Variants in CNFN observed in about 807,000 individuals in gnomAD.
CNFN encodes the protein cornifelin, also known as cornefied envelope protein cornefilin.
In CNFN, 10 loss-of-function variants were observed where a neutral mutation model predicts 14.9. The ratio of observed to expected loss-of-function variants is 0.67; its 90% CI spans 0.41 to 1.14. The LOEUF is 1.14. Among genes scored for constraint, CNFN ranks in the 50% most tolerant of loss-of-function variants. The probability of loss-of-function intolerance (pLI) is 0.00; values close to 1 mark genes in which losing one functional copy is unlikely to be tolerated. For synonymous variants in CNFN, 66 were observed against 60.0 expected (o/e 1.10, Z -0.46); for missense variants, 165 against 152.8 (o/e 1.08, Z -0.42).
chr19:42,387,607 A>G (rs2039863400), intron 2 of CNFN, 131 bp from the exon 3 acceptor site: 3 of 595,980 alleles, frequency 5.0e-6, no homozygotes, highest in African/African-American at 4.0e-5. Context: ...CCCAGAGGGA[A>G]TTAGAGGTCC....
chr19:42,389,803 C>G (rs975292984), intron 1 of CNFN, among the ~76,000 whole-genome samples: 1 of 152,194 alleles, frequency 6.6e-6, no homozygotes. Context: ...TCCCCATACC[C>G]GAGATAGAGC....
intron 2 of CNFN, 88 bp downstream of exon 2, chr19:42,388,838 G>A: frequency 4.5e-6 from 4 of 891,218 alleles, no homozygotes; most frequent in Middle Eastern, 2.2e-4. Flanking sequence ...GCAAGCGGTG[G>A]GAGGAGGTTG....
chr19:42,389,387 G>A (rs2039881004), intron 1 of CNFN: 1 of 1,030,374 alleles, frequency 9.7e-7, no homozygotes, highest in South Asian at 1.3e-5. Flanking sequence ...GGCCTCTGGG[G>A]TGGAAGCAGG....
At chr19:42,388,605 T>C (rs1276560329) in intron 2 of CNFN, among the ~76,000 whole-genome samples, 1 of 152,160 alleles carries the variant, frequency 6.6e-6, no homozygotes, top group African/African-American at 2.4e-5. Context: ...AGTGTTGGGA[T>C]TACAGGCATG....
At position 42,388,005 on chromosome 19, in the gene CNFN, A is replaced by AAAAAAAAAAC. The variant is rs2039868815; in HGVS notation, c.113-530_113-529insGTTTTTTTTT. Reference sequence around the variant, plus strand: ...AAAAAAAACAAAAAACAAAACAAAAAAAAAAACGAAAGAAAGAAAAAAAAA... The same window carrying AAAAAAAAAAC: ...AAAAAAAACAAAAAACAAAACAAAAAAAAAAAAAACAAAAAACGAAAGAAAGAAAAAAAAA... On this transcript the variant is annotated intron_variant, in intron 2 of 3. Coordinates refer to ENST00000222032, the MANE Select transcript of CNFN (RefSeq NM_032488.4). Among the ~76,000 whole-genome samples, 39 of 143,712 alleles carry AAAAAAAAAAC rather than the reference A, an allele frequency of 2.7e-4. 1 individual carries two copies. The highest frequency in any genetic ancestry group is 1.0e-3 in the African/African-American group (38 of 36,256). 94.3% of individuals were successfully genotyped at this position (143,712 alleles called of 152,430 possible). A position where few individuals can be genotyped will look rare whatever the true frequency, so the allele number is the denominator to read the frequency against.
intron 2 of CNFN, among the ~76,000 whole-genome samples, chr19:42,387,896 C>T (rs1288730256): frequency 2.7e-5 from 4 of 147,566 alleles, no homozygotes; most frequent in South Asian, 2.1e-4. Context: ...AGGAGAATCG[C>T]TTGAACCCGG....
Position 42,388,986 on chromosome 19 carries a change from G to C in CNFN, c.52C>G (p.Gln18Glu). 1 of 1,613,950 alleles carries C rather than the reference G, an allele frequency of 6.2e-7. No individual in the cohort carries two copies. The highest frequency in any genetic ancestry group is 8.5e-7 in the Non-Finnish European group (1 of 1,180,000). The change falls in exon 2 of 4, where the codon CAG becomes GAG. Residue 18 changes from glutamine (Q) to glutamate (E), a missense_variant. By Grantham distance (29) the Gln-to-Glu change is conservative (BLOSUM62 2). Coordinates refer to ENST00000222032, the MANE Select transcript of CNFN (RefSeq NM_032488.4). ...GTGTGCCAGTCACTGAGCTGGGTCT[G>C]GTAGCAGCTGGTGGTGGCGCACTGG... ...QPQCATTSCY[Q>E]TQLSDWHTGL...
intron 1 of CNFN, 103 bp from the exon 2 acceptor site, chr19:42,389,142 G>A (rs2039879161): frequency 4.8e-6 from 4 of 826,036 alleles, no homozygotes; most frequent in African/African-American, 1.7e-5. Context: ...GGGCGGGGCC[G>A]CCAGGCCGCC....
At position 42,387,393 on chromosome 19, in the gene CNFN, G is replaced by A. The variant is rs2039859617; in HGVS notation, c.196C>T (p.Pro66Ser). ...FGECCCAPYL[P>S]GGLHSIRTGM... ...GTGCGGATGGAGTGCAGGCCTCCGG[G>A]CAGGTAGGGCGCGCAGCAGCACTCG... The change falls in exon 3 of 4, where the codon CCC becomes TCC. Residue 66 changes from proline (P) to serine (S), a missense_variant. By Grantham distance (74) the Pro-to-Ser change is moderately conservative. Coordinates refer to ENST00000222032, the MANE Select transcript of CNFN (RefSeq NM_032488.4). 6.2e-7 allele frequency: 1 copy of A among 1,601,518 alleles called. No individual in the cohort carries two copies.
chr19:42,387,265 C>T (rs765518338), intron 3 of CNFN, 23 bp from the exon 4 acceptor site: 1 of 1,610,928 alleles, frequency 6.2e-7, no homozygotes, highest in Non-Finnish European at 8.5e-7. Context: ...AGAGAGCGGT[C>T]AGGAGCCCCG....
At chr19:42,389,792 C>T (rs966250752) in intron 1 of CNFN, among the ~76,000 whole-genome samples, 19 of 152,204 alleles carry the variant, frequency 1.2e-4, no homozygotes, top group African/African-American at 4.3e-4. Flanking sequence ...GCAGAGGACC[C>T]TCCCCATACC....
At position 42,387,281 on chromosome 19, in the gene CNFN, G is replaced by T. The variant is rs373156465; in HGVS notation, c.250-39C>A. 1,681 of 1,607,316 alleles carry T rather than the reference G, an allele frequency of 1.0e-3. 3 individuals are homozygous for T. The highest frequency in any genetic ancestry group is 1.3e-3 in the Admixed American group (76 of 59,052). On this transcript the variant is annotated intron_variant, in intron 3 of 3. Coordinates refer to ENST00000222032, the MANE Select transcript of CNFN (RefSeq NM_032488.4). ...GAGAGCGGTCAGGAGCCCCGCGGTG[G>T]GTCCCAGGAGGCCAGTCCCCAGCTC...
Position 42,387,456 on chromosome 19 carries a change from G to GAGCAAAAGTGCCGCACAGACC in CNFN, c.113-1_132dup (p.Ala44_Pro45insGlyLeuCysGlyThrPheAla). 1 of 1,590,836 alleles carries GAGCAAAAGTGCCGCACAGACC rather than the reference G, an allele frequency of 6.3e-7. No homozygotes were observed. On this transcript the variant is annotated inframe_insertion, in exon 3 of 4. Coordinates refer to ENST00000222032, the MANE Select transcript of CNFN (RefSeq NM_032488.4). Reference sequence around the variant, plus strand: ...GAGATGCGGCAGGCAAGGCACAGAGGAGCAAAAGTGCCGCACAGACCTGGG... The same window carrying GAGCAAAAGTGCCGCACAGACC: ...GAGATGCGGCAGGCAAGGCACAGAGGAGCAAAAGTGCCGCACAGACCAGCAAAAGTGCCGCACAGACCTGGG...
chr19:42,387,295 A>T (rs757126627), intron 3 of CNFN, 45 bp downstream of exon 3: 7 of 1,604,940 alleles, frequency 4.4e-6, no homozygotes, highest in South Asian at 1.1e-5. Context: ...CCAGGAGGCC[A>T]GTCCCCAGCT....
In CNFN at chr19:42,387,472, C is replaced by A. The variant is rs2039861400; in HGVS notation, c.117G>T (p.Leu39=). The A allele has an allele frequency of 3.8e-6, 6 of 1,576,038 alleles. No homozygotes were observed. Among genetic ancestry groups the A allele is most frequent in the Non-Finnish European group, 3.4e-6 (4 of 1,163,212 alleles). Reference sequence around the variant, plus strand: ...GGCACAGAGGAGCAAAAGTGCCGCACAGACCTGGGCGGGGCGCAGGCGCTC... The same window carrying A: ...GGCACAGAGGAGCAAAAGTGCCGCAAAGACCTGGGCGGGGCGCAGGCGCTC... ...TDCCNDMPVC[L]CGTFAPLCLA... The change falls in exon 3 of 4, where the codon CTG becomes CTT. Residue 39 remains leucine, a synonymous_variant. Transcript: ENST00000222032.
At chr19:42,388,832 G>T (rs2039875670) in intron 2 of CNFN, 94 bp downstream of exon 2, 2 of 828,088 alleles carry the variant, frequency 2.4e-6, no homozygotes, top group Admixed American at 2.3e-5. Context: ...GGGTTAGCAA[G>T]CGGTGGGAGG....
intron 2 of CNFN, among the ~76,000 whole-genome samples, chr19:42,388,550 C>G (rs2039873654): frequency 6.6e-6 from 1 of 152,086 alleles, no homozygotes; most frequent in Admixed American, 6.6e-5. Flanking sequence ...CCAGGCTGAT[C>G]TTGAATTCCT....
intron 2 of CNFN, among the ~76,000 whole-genome samples, chr19:42,388,128 C>T (rs931325895): frequency 3.3e-5 from 5 of 151,802 alleles, no homozygotes; most frequent in Admixed American, 1.3e-4. Context: ...CTCAAGCAAT[C>T]CTCCCGCCTC....
At chr19:42,389,149 C>T (rs912049973) in intron 1 of CNFN, 110 bp from the exon 2 acceptor site, 28 of 784,560 alleles carry the variant, frequency 3.6e-5, no homozygotes, top group African/African-American at 6.9e-5. Flanking sequence ...GCCGCCAGGC[C>T]GCCCACTGAA....
Sources: allele counts gnomAD v4.1 joint callset (sites outside exome capture counted in the v4.1 genomes callset), GRCh38; gene constraint gnomAD v4.1.1; transcripts MANE v1.5; gene names NCBI Gene and HGNC (gene_info 2026-07-23, HGNC 2026-07-21).